The following OSBP2 variants were observed in gnomAD, a reference collection of about 807,000 sequenced individuals.
OSBP2 encodes oxysterol binding protein 2, also known as oxysterol-binding protein 2.
OSBP2 carries 66 observed loss-of-function variants against 96.0 expected under a neutral mutation model. The ratio of observed to expected loss-of-function variants is 0.69; its 90% confidence interval spans 0.56 to 0.84. The LOEUF (loss-of-function observed/expected upper bound fraction) is 0.84. Among genes scored for constraint, OSBP2 ranks in the 40% least tolerant of loss-of-function variants. The pLI, the probability that OSBP2 is intolerant of heterozygous loss-of-function variation, is 0.00. For missense variants in OSBP2, 1,038 were observed against 1,222.7 expected (o/e 0.85, Z 2.25); for synonymous variants, 525 against 520.9 (o/e 1.01, Z -0.11).
At chr22:30,803,768 C>A (rs753292956) in intron 2 of OSBP2, among the ~76,000 whole-genome samples, 13 of 152,118 alleles carry the variant, frequency 8.5e-5, no homozygotes, top group Non-Finnish European at 1.8e-4. Flanking sequence ...CAGAGGAGCT[C>A]TGGAGTGGAT....
At chr22:30,843,400 C>T (rs1291153329) in intron 2 of OSBP2, among the ~76,000 whole-genome samples, 1 of 151,916 alleles carries the variant, frequency 6.6e-6, no homozygotes, top group Non-Finnish European at 1.5e-5. Flanking sequence ...TGGCAGTGCT[C>T]CCAGGGACCC....
At chr22:30,698,413 A>G (rs1414983939) in intron 1 of OSBP2, among the ~76,000 whole-genome samples, 1 of 150,380 alleles carries the variant, frequency 6.6e-6, no homozygotes, top group Admixed American at 6.6e-5. Context: ...TTTTGGAAAG[A>G]CCACTCTCAA....
rs532416020 is a variant in OSBP2, at chr22:30,796,936, C to T, written c.853+55567C>T. On this transcript the variant is annotated intron_variant, in intron 2 of 13. Transcript: ENST00000332585. ...TGCATCCATGACCAGCAATAATCCA[C>T]CTATCCATCTCCTGAACTCCTTTCA... Among the ~76,000 whole-genome samples the T allele has an allele frequency of 7.9e-5, 12 of 152,350 alleles. 1 individual carries two copies. In the South Asian group the frequency reaches 2.5e-3, roughly 32 times the overall value.
chr22:30,824,159 G>A lies in OSBP2; in HGVS notation c.854-46270G>A, dbSNP rs117929370. On this transcript the variant is annotated intron_variant, in intron 2 of 13. Transcript: ENST00000332585. ...GCAGCTGTATCTTGAGAGCAGTGAC[G>A]GGGTGACCTTTTTGACGGCCAGACC... 3.3e-4 allele frequency among the ~76,000 whole-genome samples: 50 copies of A among 152,266 alleles called. No individual in the cohort carries two copies. In the East Asian group the frequency reaches 6.0e-3, roughly 18 times the overall value.
At chr22:30,694,165 C>G, upstream of OSBP2, 1 of 1,550,340 alleles carries the variant, frequency 6.5e-7, no homozygotes, top group Non-Finnish European at 8.7e-7. Flanking sequence ...GTTTCTTGTA[C>G]TAAAACGCTT....
intron 2 of OSBP2, among the ~76,000 whole-genome samples, chr22:30,762,739 C>T (rs944961409): frequency 2.0e-4 from 31 of 152,186 alleles, no homozygotes; most frequent in Non-Finnish European, 5.9e-5. Flanking sequence ...TCTGTTTACC[C>T]TCCAGGGAGA....
At chr22:30,787,316 T>C (rs1050980009) in intron 2 of OSBP2, among the ~76,000 whole-genome samples, 1 of 151,874 alleles carries the variant, frequency 6.6e-6, no homozygotes, top group African/African-American at 2.4e-5. Flanking sequence ...GAATGGGAGC[T>C]AAGAGGAGGG....
rs574834126 is a variant in OSBP2 at position 30,789,877 on chromosome 22, T to C, written c.853+48508T>C. Reference sequence around the variant, plus strand: ...TTGCATCTTCCACCAGTAAAAACTTTGTTCCCATTTTAGATCACAGTTTAA... The same window carrying C: ...TTGCATCTTCCACCAGTAAAAACTTCGTTCCCATTTTAGATCACAGTTTAA... On this transcript the variant is annotated intron_variant, in intron 2 of 13. Transcript: ENST00000332585. Among the ~76,000 whole-genome samples, 12 of 152,330 alleles carry C rather than the reference T, an allele frequency of 7.9e-5. No individual in the cohort carries two copies. The South Asian group carries it at 1.2e-3, about 16-fold the overall frequency.
At chr22:30,862,118 C>T (rs142496778) in intron 2 of OSBP2, among the ~76,000 whole-genome samples, 221 of 152,344 alleles carry the variant, frequency 1.5e-3, no homozygotes, top group African/African-American at 3.5e-3. Flanking sequence ...TTTGGAAGCT[C>T]GCCGAAGACC....
intron 2 of OSBP2, among the ~76,000 whole-genome samples, chr22:30,851,541 C>A (rs1193670742): frequency 6.6e-6 from 1 of 151,950 alleles, no homozygotes; most frequent in East Asian, 1.9e-4. Context: ...TAAGTAAAAC[C>A]TTTTTCATTT....
At chr22:30,795,459 T>A (rs1230345899) in intron 2 of OSBP2, among the ~76,000 whole-genome samples, 1 of 152,088 alleles carries the variant, frequency 6.6e-6, no homozygotes, top group Non-Finnish European at 1.5e-5. Flanking sequence ...CATGTCTTTA[T>A]GCACTCTTCT....
intron 12 of OSBP2, among the ~76,000 whole-genome samples, chr22:30,898,580 A>C (rs781280415): frequency 2.6e-4 from 40 of 152,158 alleles, no homozygotes; most frequent in Non-Finnish European, 4.4e-5. Flanking sequence ...CAGCAGGAAA[A>C]GAGCAGAGAG....
At chr22:30,717,356 A>G (rs115565526) in intron 1 of OSBP2, among the ~76,000 whole-genome samples, 232 of 152,292 alleles carry the variant, frequency 1.5e-3, no homozygotes, top group African/African-American at 5.4e-3. Flanking sequence ...TCATTTGTTG[A>G]AGAGACTGTC....
chr22:30,722,876 C>T (rs890282347), intron 1 of OSBP2, among the ~76,000 whole-genome samples: 1 of 147,264 alleles, frequency 6.8e-6, no homozygotes, highest in Non-Finnish European at 1.5e-5. Context: ...CTTTTACCTT[C>T]TGAGCTCAAG....
At chr22:30,737,312 G>A (rs1405554211) in intron 1 of OSBP2, among the ~76,000 whole-genome samples, 3 of 146,090 alleles carry the variant, frequency 2.1e-5, no homozygotes, top group Non-Finnish European at 4.5e-5. Flanking sequence ...CACTGCGCCC[G>A]GCCTTTTTTT....
chr22:30,870,560 G>A lies in OSBP2; in HGVS notation c.985G>A (p.Ala329Thr), dbSNP rs759516921. 10 of 1,613,902 alleles carry A rather than the reference G, an allele frequency of 6.2e-6. No homozygotes were observed. The highest frequency in any genetic ancestry group is 2.2e-5 in the East Asian group (1 of 44,874). ...CNDLIAKHGA[A>T]LQRSLTELDG... ...TGACCTCATCGCCAAGCACGGCGCT[G>A]CACTCCAGCGCTCCCTGACAGAGCT... The change falls in exon 3 of 14, where the codon GCA becomes ACA. Residue 329 changes from alanine (A) to threonine (T), a missense_variant. This residue lies in a region of OSBP2 where 737 missense variants were observed against 913.3 expected (regional missense o/e 0.81). Transcript: ENST00000332585. This position sits in a 1 kb window ranked among gnomAD's most constrained non-coding sequence, Gnocchi z 4.1.
At chr22:30,906,117 C>T (rs1221662141) in intron 13 of OSBP2, 48 bp downstream of exon 13, 7 of 693,570 alleles carry the variant, frequency 1.0e-5, no homozygotes, top group African/African-American at 3.6e-5. Context: ...AAGGGGTGCC[C>T]GGGTGGGGGT....
chr22:30,808,998 C>T (rs2090971028), intron 2 of OSBP2, among the ~76,000 whole-genome samples: 1 of 152,102 alleles, frequency 6.6e-6, no homozygotes, highest in Admixed American at 6.5e-5. Context: ...AGGAGACCAC[C>T]AGGTGAAGAC....
chr22:30,778,748 A>G (rs2090472742), intron 2 of OSBP2, among the ~76,000 whole-genome samples: 2 of 152,030 alleles, frequency 1.3e-5, no homozygotes, highest in Admixed American at 1.3e-4. Context: ...ATTCAAACTG[A>G]TTTATGGCCG....
Sources: gnomAD v4.1 joint callset for allele counts (sites outside exome capture counted in the v4.1 genomes callset) on GRCh38, gnomAD v4.1.1 for gene constraint, gnomAD v4.1.1 regional missense constraint, Gnocchi (gnomAD v3.1) non-coding constraint, MANE v1.5 for transcripts, NCBI Gene and HGNC (gene_info 2026-07-23, HGNC 2026-07-21) for gene names.